ZAP70: variants seen among roughly 807,000 people sequenced by gnomAD.
ZAP70 encodes tyrosine-protein kinase ZAP-70.
A neutral mutation model predicts 65.8 loss-of-function variants in ZAP70; 27 were observed. That is an observed-to-expected ratio of 0.41 (90% CI 0.30 to 0.57). The LOEUF is 0.57. ZAP70 is among the 20% of genes least tolerant of loss of function. ZAP70 has a pLI of 0.28. For synonymous variants in ZAP70, 363 were observed against 360.8 expected, an observed-to-expected ratio of 1.01 and a Z score of -0.07; for missense variants, 696 against 870.5, an observed-to-expected ratio of 0.80 and a Z score of 2.52.
intron 2 of ZAP70, among the ~76,000 whole-genome samples, chr2:97,720,388 C>T (rs1164107261): frequency 2.6e-5 from 4 of 152,044 alleles, no homozygotes; most frequent in Admixed American, 6.6e-5. Flanking sequence ...CCACCACGCC[C>T]GACTAATTTT....
At chr2:97,744,621 C>T (rs1678205186), downstream of ZAP70, among the ~76,000 whole-genome samples, 1 of 152,148 alleles carries the variant, frequency 6.6e-6, no homozygotes, top group South Asian at 2.1e-4. Flanking sequence ...CATCAAATTC[C>T]TGAAAGGTTT....
At chr2:97,738,223 C>T in intron 13 of ZAP70, 116 bp downstream of exon 13, 1 of 1,068,302 alleles carries the variant, frequency 9.4e-7, no homozygotes, top group Non-Finnish European at 1.4e-6. Context: ...GCCCTTCACC[C>T]AGTTCATAGC....
intron 2 of ZAP70, among the ~76,000 whole-genome samples, chr2:97,720,596 C>G (rs1335272083): frequency 1.3e-5 from 2 of 152,224 alleles, no homozygotes; most frequent in African/African-American, 4.8e-5. Flanking sequence ...ATGTGATCCA[C>G]CCGCCTTGAT....
In ZAP70 at chr2:97,734,547, G is replaced by C. The variant is rs1157897539; in HGVS notation, c.917G>C (p.Arg306Pro). 3.1e-6 allele frequency: 5 copies of C among 1,614,050 alleles called. No individual in the cohort carries two copies. In the East Asian group the frequency reaches 8.9e-5, roughly 29 times the overall value. Residue 306 changes from arginine to proline, a missense_variant, in exon 9 of 14, where the codon CGG (arginine) becomes CCG (proline). Around this residue, in one of 3 missense-constraint regions of ZAP70, gnomAD observed 551 missense variants for 630.0 expected, o/e 0.87. Coordinates refer to ENST00000264972, the MANE Select transcript of ZAP70 (RefSeq NM_001079.4). The part of the protein sequence containing the change: ...PARITSPDKP[R>P]PMPMDTSVYE... Reference sequence around the variant, plus strand: ...CGCATAACGTCCCCAGACAAACCGCGGCCGATGCCCATGGACACGAGCGTG... The same window carrying C: ...CGCATAACGTCCCCAGACAAACCGCCGCCGATGCCCATGGACACGAGCGTG...
chr2:97,729,595 A>T (rs930556653), intron 4 of ZAP70, among the ~76,000 whole-genome samples: 1 of 152,212 alleles, frequency 6.6e-6, no homozygotes, highest in Non-Finnish European at 1.5e-5. Context: ...TGAACCAGAG[A>T]CAGATGTAGC....
chr2:97,725,435 C>T lies in ZAP70; in HGVS notation c.563+183C>T, dbSNP rs200294148. Among the ~76,000 whole-genome samples, 20 of 152,292 alleles carry T rather than the reference C, an allele frequency of 1.3e-4. No individual in the cohort carries two copies. In the East Asian group the frequency reaches 2.9e-3, roughly 22 times the overall value. On this transcript the variant is annotated intron_variant, in intron 4 of 13. Transcript: ENST00000264972. Reference sequence around the variant, plus strand: ...GCACATGGGGAAGTAGAGGTAGTGACTAGGAAAGCCTCCAGACTCGGTCCC... The same window carrying T: ...GCACATGGGGAAGTAGAGGTAGTGATTAGGAAAGCCTCCAGACTCGGTCCC...
intron 2 of ZAP70, among the ~76,000 whole-genome samples, chr2:97,716,412 G>T (rs1676917668): frequency 6.6e-6 from 1 of 152,182 alleles, no homozygotes; most frequent in South Asian, 2.1e-4. Context: ...TTACATTCTG[G>T]CAGGGACAAA....
At chr2:97,755,314 TGTA>T in the ZAP70 span, among the ~76,000 whole-genome samples, 1 of 152,332 alleles carries the variant, frequency 6.6e-6, no homozygotes, top group Non-Finnish European at 1.5e-5. Context: ...AATTTAGATG[TGTA>T]GTCTTTACTA....
At chr2:97,720,004 G>A (rs1031416872) in intron 2 of ZAP70, among the ~76,000 whole-genome samples, 28 of 152,278 alleles carry the variant, frequency 1.8e-4, no homozygotes, top group African/African-American at 6.5e-4. Context: ...GCGGAACTGC[G>A]TGTCTCCGTA....
At chr2:97,724,831 A>G in intron 3 of ZAP70, 1 of 1,517,820 alleles carries the variant, frequency 6.6e-7, no homozygotes, top group Non-Finnish European at 8.8e-7. Context: ...GAGTGACACC[A>G]CCATGCACAA....
At chr2:97,748,609 G>A in the ZAP70 span, among the ~76,000 whole-genome samples, 1 of 152,152 alleles carries the variant, frequency 6.6e-6, no homozygotes, top group Non-Finnish European at 1.5e-5. Context: ...TGCTGCGACT[G>A]GCTGCGTGAG....
Position 97,735,286 on chromosome 2 carries a change from G to A in ZAP70, c.1119G>A (p.Gln373=). 3 of 1,614,084 alleles carry A rather than the reference G, an allele frequency of 1.9e-6. No homozygotes were observed. The highest frequency in any genetic ancestry group is 2.5e-6 in the Non-Finnish European group (3 of 1,179,964). ...QIDVAIKVLK[Q]GTEKADTEEM... ...ACGTGGCCATCAAGGTGCTGAAGCA[G>A]GGCACGGAGAAGGCAGACACGGAAG... The change falls in exon 10 of 14, where the codon CAG becomes CAA. Residue 373 remains glutamine, a synonymous_variant. Transcript: ENST00000264972.
intron 2 of ZAP70, among the ~76,000 whole-genome samples, chr2:97,718,502 G>A (rs543987448): frequency 6.6e-6 from 1 of 152,266 alleles, no homozygotes; most frequent in East Asian, 1.9e-4. Flanking sequence ...TGGAAGAGGA[G>A]GCGCCCACCA....
intron 2 of ZAP70, among the ~76,000 whole-genome samples, chr2:97,714,912 C>T (rs1379451273): frequency 6.6e-6 from 1 of 152,126 alleles, no homozygotes; most frequent in African/African-American, 2.4e-5. Context: ...GCCTGGGGGC[C>T]TGGCTTCACA....
At chr2:97,718,107 T>C (rs1347685946) in intron 2 of ZAP70, among the ~76,000 whole-genome samples, 1 of 152,104 alleles carries the variant, frequency 6.6e-6, no homozygotes. Context: ...ACAGGCTCAC[T>C]GGGGACTGAG....
intron 9 of ZAP70, 26 bp from the exon 10 acceptor site, chr2:97,735,224 G>T (rs199771138): frequency 1.8e-4 from 288 of 1,613,298 alleles, no homozygotes; most frequent in Non-Finnish European, 2.4e-4. Context: ...CCTCGCCCAC[G>T]TGCCTCCCGT....
At chr2:97,735,191 TG>T (rs34532595) in intron 9 of ZAP70, 58 bp from the exon 10 acceptor site, 511,718 of 1,574,692 alleles carry the variant, frequency 0.32, 90,761 homozygotes, top group Non-Finnish European at 0.36. Context: ...GGTGGGGGTG[TG>T]GGGCCGAGCA....
chr2:97,731,946 G>T lies in ZAP70; in HGVS notation c.564-937G>T, dbSNP rs965962987. ...TCACTGTAAAGCTACACTTGACCCT[G>T]CAATAGAGGCTTGTGCCAGTGACCC... On this transcript the variant is annotated intron_variant, in intron 4 of 13. Coordinates refer to ENST00000264972, the MANE Select transcript of ZAP70 (RefSeq NM_001079.4). The surrounding 1 kb of genome is among the most constrained non-coding windows in gnomAD (Gnocchi z 4.0). Among the ~76,000 whole-genome samples the T allele has an allele frequency of 1.3e-5, 2 of 152,084 alleles. No homozygotes were observed. The highest frequency in any genetic ancestry group is 2.9e-5 in the Non-Finnish European group (2 of 68,014).
At chr2:97,740,271 A>G (rs1678093330), downstream of ZAP70, among the ~76,000 whole-genome samples, 1 of 152,208 alleles carries the variant, frequency 6.6e-6, no homozygotes, top group Non-Finnish European at 1.5e-5. Context: ...AGATGCACGT[A>G]TTAGCTCCCG....
Sources: allele counts gnomAD v4.1 joint callset (sites outside exome capture counted in the v4.1 genomes callset), GRCh38; gene constraint gnomAD v4.1.1; regional missense constraint gnomAD v4.1.1; non-coding constraint Gnocchi (gnomAD v3.1); transcripts MANE v1.5; gene names NCBI Gene and HGNC (gene_info 2026-07-23, HGNC 2026-07-21).